CLIP4: variants seen among roughly 807,000 people sequenced by gnomAD.
CLIP4 encodes CAP-Gly domain-containing linker protein 4.
A neutral mutation model predicts 73.1 loss-of-function variants in CLIP4; 47 were observed. The observed-to-expected ratio is 0.64, with a 90% CI of 0.51 to 0.82. The LOEUF (loss-of-function observed/expected upper bound fraction) is 0.82, where lower values mean the gene tolerates loss of function less well. Ranked by LOEUF, CLIP4 falls within the 40% of genes least tolerant of loss-of-function variation. The pLI, the probability that CLIP4 is intolerant of heterozygous loss-of-function variation, is 0.00. For missense variants in CLIP4, 874 were observed against 852.9 expected (o/e 1.02, Z -0.31); for synonymous variants, 306 against 295.4 (o/e 1.04, Z -0.37).
intron 15 of CLIP4, among the ~76,000 whole-genome samples, chr2:29,176,755 A>G (rs1028210395): frequency 6.6e-6 from 1 of 152,144 alleles, no homozygotes; most frequent in African/African-American, 2.4e-5. Context: ...TTACCAACTC[A>G]CTTAACTCTT....
At chr2:29,131,104 A>G (rs1208412629) in intron 2 of CLIP4, among the ~76,000 whole-genome samples, 154 bp from the exon 3 acceptor site, 1 of 152,202 alleles carries the variant, frequency 6.6e-6, no homozygotes, top group Non-Finnish European at 1.5e-5. Flanking sequence ...TGCTCAGCAA[A>G]TGTTCATAAT....
intron 1 of CLIP4, among the ~76,000 whole-genome samples, chr2:29,100,445 G>A (rs542882668): frequency 7.2e-5 from 11 of 152,024 alleles, no homozygotes; most frequent in Non-Finnish European, 1.5e-4. Flanking sequence ...TTCCTCTACT[G>A]TTAATATCTT....
In CLIP4 at chr2:29,162,693, A is replaced by G. The variant is rs372242451; in HGVS notation, c.1535-1138A>G. ...AGAAATAACAGTGGCAACCAGACTA[A>G]CCTGGTTTAGGACATGTGGAAATGT... On this transcript the variant is annotated intron_variant, in intron 12 of 15. Coordinates refer to ENST00000320081, the MANE Select transcript of CLIP4 (RefSeq NM_024692.6). Among the ~76,000 whole-genome samples the G allele has an allele frequency of 4.6e-5, 7 of 152,328 alleles. No individual in the cohort carries two copies. The East Asian group carries it at 5.8e-4, about 13-fold the overall frequency.
At chr2:29,167,599 A>C (rs1188939118) in intron 14 of CLIP4, 59 bp downstream of exon 14, 15 of 1,324,368 alleles carry the variant, frequency 1.1e-5, no homozygotes, top group Non-Finnish European at 1.5e-5. Flanking sequence ...TTTATTGAAA[A>C]ATTTTTATTA....
At chr2:29,122,969 A>G (rs1370306944) in intron 2 of CLIP4, among the ~76,000 whole-genome samples, 1 of 151,964 alleles carries the variant, frequency 6.6e-6, no homozygotes, top group Admixed American at 6.6e-5. Context: ...AACCTCTTGC[A>G]TGTCTTCAAT....
chr2:29,154,420 C>T (rs185432996), intron 9 of CLIP4, among the ~76,000 whole-genome samples: 28 of 152,240 alleles, frequency 1.8e-4, no homozygotes, highest in East Asian at 1.7e-3. Context: ...GGCAGGCACC[C>T]GAAACCCCAA....
At chr2:29,161,415 A>G (rs1667282365) in intron 12 of CLIP4, among the ~76,000 whole-genome samples, 1 of 152,092 alleles carries the variant, frequency 6.6e-6, no homozygotes, top group African/African-American at 2.4e-5. Context: ...GTTATCTAGA[A>G]CATTGATTAA....
rs114500452 is a variant in CLIP4 at position 29,143,624 on chromosome 2, G to A, written c.649-85G>A. 2.7e-3 allele frequency: 2,435 copies of A among 893,082 alleles called. 29 individuals carry two copies. The African/African-American group carries it at 0.035, about 13-fold the overall frequency. The allele number at this position is 893,082 out of a possible 1,614,324, so 55.3% of individuals were successfully genotyped here. ...TAAACAAATGATGAATGAATTTAAC[G>A]TAAAGTTCTTCCAACAGAAATTTTA... On this transcript the variant is annotated intron_variant, in intron 6 of 15. Coordinates refer to ENST00000320081, the MANE Select transcript of CLIP4 (RefSeq NM_024692.6).
chr2:29,159,127 T>A (rs1009114040), intron 11 of CLIP4, among the ~76,000 whole-genome samples: 2 of 152,248 alleles, frequency 1.3e-5, no homozygotes, highest in Non-Finnish European at 1.5e-5. Flanking sequence ...AAAAGCACTT[T>A]GTAAACTATG....
At chr2:29,120,061 A>T (rs899603811) in intron 1 of CLIP4, among the ~76,000 whole-genome samples, 7 of 152,172 alleles carry the variant, frequency 4.6e-5, no homozygotes, top group Admixed American at 1.3e-4. Flanking sequence ...TTTGAGGAAG[A>T]TCACCGCTGC....
intron 2 of CLIP4, among the ~76,000 whole-genome samples, chr2:29,126,809 AATC>A (rs1362065993): frequency 6.6e-6 from 1 of 152,224 alleles, no homozygotes; most frequent in Non-Finnish European, 1.5e-5. Flanking sequence ...GTTTACATCA[AATC>A]ATCCAGTAGG....
At chr2:29,108,379 C>A (rs1668292504) in intron 1 of CLIP4, among the ~76,000 whole-genome samples, 2 of 152,168 alleles carry the variant, frequency 1.3e-5, no homozygotes, top group Non-Finnish European at 2.9e-5. Context: ...GGATAAGGAG[C>A]ATGTACAGTG....
At chr2:29,156,217 T>C (rs1666913149) in intron 9 of CLIP4, 137 bp from the exon 10 acceptor site, 1 of 571,762 alleles carries the variant, frequency 1.7e-6, no homozygotes, top group Non-Finnish European at 3.0e-6. Flanking sequence ...TGTCCTCATA[T>C]GTCTGTGCAG....
intron 6 of CLIP4, among the ~76,000 whole-genome samples, chr2:29,142,072 A>G (rs1665810233): frequency 6.6e-6 from 1 of 152,076 alleles, no homozygotes; most frequent in Admixed American, 6.5e-5. Context: ...CCTAGTCTCA[A>G]TTGTATAGTT....
rs1665295420 is a variant in CLIP4, at chr2:29,135,610, T to C, written c.592T>C (p.Leu198=). Residue 198 remains leucine (L), a synonymous_variant, in exon 6 of 16, where the codon TTG becomes CTG. Transcript: ENST00000320081. ...AGCTTTGCATATTGCAGCATACAAC[T>C]TGTGTGCAGGTGCTGTGAAGTGCCT... ...GTALHIAAYN[L]CAGAVKCLLE... is the part of the protein sequence containing the mutation. The C allele has an allele frequency of 1.2e-6, 2 of 1,611,306 alleles. No homozygotes were observed. Among genetic ancestry groups the C allele is most frequent in the African/African-American group, 1.3e-5 (1 of 74,794 alleles).
rs371859635 is a variant in CLIP4, at chr2:29,105,226, A to G, written c.-16+7279A>G. Among the ~76,000 whole-genome samples the G allele has an allele frequency of 2.6e-5, 4 of 152,310 alleles. No individual in the cohort carries two copies. In the East Asian group the frequency reaches 5.8e-4, roughly 22 times the overall value. Reference sequence around the variant, plus strand: ...CCGGTTGGTGTTGAGCACACATTAAATATAAGAACTAAGCTGTATGTGGAG... The same window carrying G: ...CCGGTTGGTGTTGAGCACACATTAAGTATAAGAACTAAGCTGTATGTGGAG... On this transcript the variant is annotated intron_variant, in intron 1 of 14. Coordinates refer to the CLIP4 transcript ENST00000401605.
intron 2 of CLIP4, among the ~76,000 whole-genome samples, chr2:29,124,197 C>T (rs539878970): frequency 9.2e-5 from 14 of 152,242 alleles, no homozygotes; most frequent in South Asian, 4.1e-4. Flanking sequence ...GTGATGAATT[C>T]TTTCAGCTGT....
intron 11 of CLIP4, 52 bp from the exon 12 acceptor site, chr2:29,160,281 T>A (rs1667200716): frequency 6.2e-7 from 1 of 1,612,762 alleles, no homozygotes; most frequent in Non-Finnish European, 8.5e-7. Context: ...CTCCCTTTGT[T>A]TTTTCTCCTC....
At chr2:29,169,333 GTGTGTGTGTGTGTGT>G (rs1667851051) in intron 14 of CLIP4, among the ~76,000 whole-genome samples, 12 of 38,902 alleles carry the variant, frequency 3.1e-4, no homozygotes, top group Non-Finnish European at 3.2e-4. Context: ...TTTTCACTGT[GTGTGTGTGTGTGTGT>G]GTGTGTGTGT....
Sources: gnomAD v4.1 joint callset for allele counts (sites outside exome capture counted in the v4.1 genomes callset) on GRCh38, gnomAD v4.1.1 for gene constraint, MANE v1.5 for transcripts, NCBI Gene and HGNC (gene_info 2026-07-23, HGNC 2026-07-21) for gene names.